ACER3: variants seen among roughly 807,000 people sequenced by gnomAD.
ACER3 encodes alkCDase 3.
A neutral mutation model predicts 48.9 loss-of-function variants in ACER3; 16 were observed. That is an observed-to-expected ratio of 0.33 (90% confidence interval 0.22 to 0.50). ACER3 has a LOEUF of 0.50. ACER3 is among the 20% of genes least tolerant of loss of function. The pLI is 0.98. For synonymous variants in ACER3, 109 were observed against 107.8 expected (o/e 1.01, Z -0.07); for missense variants, 227 against 326.0 (o/e 0.70, Z 2.34).
intron 2 of ACER3, among the ~76,000 whole-genome samples, chr11:76,944,114 A>C (rs889579535): frequency 2.0e-5 from 3 of 151,990 alleles, no homozygotes; most frequent in African/African-American, 7.2e-5. Flanking sequence ...CCATTCTGTC[A>C]ATCTATATAT....
intron 3 of ACER3, among the ~76,000 whole-genome samples, chr11:76,961,077 T>C (rs1325337114): frequency 6.6e-6 from 1 of 152,044 alleles, no homozygotes; most frequent in Admixed American, 6.6e-5. Context: ...GGAGCCTGAA[T>C]TGAGTGAGAA....
intron 1 of ACER3, among the ~76,000 whole-genome samples, chr11:76,904,835 CTATG>C (rs1352816588): frequency 3.6e-5 from 5 of 138,186 alleles, no homozygotes; most frequent in South Asian, 2.1e-4. Flanking sequence ...TGTCTTTTCT[CTATG>C]TATGTGTGTG....
chr11:76,872,911 C>CTTT (rs59654087), intron 1 of ACER3, among the ~76,000 whole-genome samples: 3 of 68,704 alleles, frequency 4.4e-5, no homozygotes, highest in African/African-American at 1.1e-4. Flanking sequence ...TTTTCTTTTT[C>CTTT]TTTTTTTTTT....
intron 2 of ACER3, among the ~76,000 whole-genome samples, chr11:76,952,590 T>G (rs537572724): frequency 3.4e-4 from 51 of 151,698 alleles, no homozygotes; most frequent in Non-Finnish European, 6.6e-4. Flanking sequence ...TTTGTAAGTT[T>G]GAAATTACTT....
chr11:76,897,427 A>C (rs542055149), intron 1 of ACER3, among the ~76,000 whole-genome samples: 1 of 152,296 alleles, frequency 6.6e-6, no homozygotes, highest in Non-Finnish European at 1.5e-5. Flanking sequence ...CCTTTCTTGC[A>C]CTTTGAATGG....
At chr11:77,001,903 A>T (rs1179649199) in intron 7 of ACER3, among the ~76,000 whole-genome samples, 1 of 152,178 alleles carries the variant, frequency 6.6e-6, no homozygotes, top group Non-Finnish European at 1.5e-5. Flanking sequence ...ACAGTTCTGG[A>T]GGCTAGAAGT....
intron 4 of ACER3, among the ~76,000 whole-genome samples, chr11:76,976,856 A>C (rs1948456526): frequency 6.6e-6 from 1 of 152,210 alleles, no homozygotes; most frequent in Non-Finnish European, 1.5e-5. Context: ...GTTATTTACA[A>C]ATATGGAAAC....
intron 6 of ACER3, chr11:76,998,531 T>C: frequency 2.3e-6 from 1 of 429,598 alleles, no homozygotes; most frequent in Non-Finnish European, 4.1e-6. Context: ...TTAAAATTGA[T>C]ATAGGACTTC....
At chr11:76,912,922 G>A (rs1946421403) in intron 1 of ACER3, among the ~76,000 whole-genome samples, 2 of 151,830 alleles carry the variant, frequency 1.3e-5, no homozygotes, top group East Asian at 3.9e-4. Context: ...GGGCCATACA[G>A]CAGAAAAAGA....
intron 2 of ACER3, among the ~76,000 whole-genome samples, chr11:76,950,389 ATATATATATATATATAT>A (rs1947623500): frequency 3.6e-5 from 1 of 27,900 alleles, no homozygotes; most frequent in African/African-American, 1.3e-4. Flanking sequence ...ATATATATAT[ATATATATATATATATAT>A]ATATAATTTA....
intron 3 of ACER3, chr11:76,959,238 G>A: frequency 7.0e-7 from 1 of 1,422,962 alleles, no homozygotes; most frequent in Non-Finnish European, 9.2e-7. Flanking sequence ...ATAGTATAGG[G>A]CTTTTTGACC....
intron 1 of ACER3, among the ~76,000 whole-genome samples, chr11:76,908,649 T>C (rs1946295282): frequency 6.6e-6 from 1 of 152,154 alleles, no homozygotes; most frequent in Non-Finnish European, 1.5e-5. Context: ...AAAGAATCAA[T>C]ATTGTGAAAA....
chr11:76,876,695 A>G (rs1219403593), intron 1 of ACER3, among the ~76,000 whole-genome samples: 5 of 152,186 alleles, frequency 3.3e-5, no homozygotes, highest in African/African-American at 1.2e-4. Context: ...CCTTGTCAAC[A>G]TTTAGTGTCA....
chr11:76,936,931 G>T (rs759907142), intron 2 of ACER3, among the ~76,000 whole-genome samples: 3 of 152,036 alleles, frequency 2.0e-5, no homozygotes, highest in Non-Finnish European at 4.4e-5. Context: ...TGGCCAGGCT[G>T]ATCTTGAACT....
chr11:77,000,945 C>A, intron 7 of ACER3, among the ~76,000 whole-genome samples: 1 of 151,906 alleles, frequency 6.6e-6, no homozygotes, highest in East Asian at 1.9e-4. Flanking sequence ...AATTTAAAAT[C>A]TTGTTGAGAT....
At chr11:76,973,263 C>T (rs777869572) in intron 3 of ACER3, among the ~76,000 whole-genome samples, 41 of 152,158 alleles carry the variant, frequency 2.7e-4, no homozygotes, top group Non-Finnish European at 5.7e-4. Flanking sequence ...CGTTTTGAGT[C>T]ACTGCATTTA....
At chr11:76,971,402 T>C (rs1020493784) in intron 3 of ACER3, among the ~76,000 whole-genome samples, 1 of 151,954 alleles carries the variant, frequency 6.6e-6, no homozygotes, top group Non-Finnish European at 1.5e-5. Context: ...TAGCTGGGTG[T>C]GGTGGCACGC....
chr11:76,919,785 A>G (rs1422672989), intron 1 of ACER3, among the ~76,000 whole-genome samples: 1 of 152,224 alleles, frequency 6.6e-6, no homozygotes, highest in Non-Finnish European at 1.5e-5. Context: ...ATTGTAGAAA[A>G]TATGGAAAAA....
intron 3 of ACER3, chr11:76,959,339 C>T: frequency 1.3e-6 from 1 of 749,732 alleles, no homozygotes; most frequent in Non-Finnish European, 1.9e-6. Context: ...TTCACCAGAA[C>T]AATATATTCT....
Sources: gnomAD v4.1 joint callset for allele counts (sites outside exome capture counted in the v4.1 genomes callset) on GRCh38, gnomAD v4.1.1 for gene constraint, MANE v1.5 for transcripts, NCBI Gene and HGNC (gene_info 2026-07-23, HGNC 2026-07-21) for gene names.